Variants in SEMA6A observed in about 807,000 individuals in gnomAD.
SEMA6A encodes the protein semaphorin 6A.
SEMA6A carries 25 observed loss-of-function variants against 96.8 expected under a neutral mutation model. The ratio of observed to expected loss-of-function variants is 0.26; its 90% CI spans 0.19 to 0.36. The LOEUF is 0.36. Among genes scored for constraint, SEMA6A ranks in the 10% least tolerant of loss-of-function variants. The pLI is 1.00. For synonymous variants in SEMA6A, 612 were observed against 518.0 expected (o/e 1.18, Z -2.46); for missense variants, 1,363 against 1,323.1 (o/e 1.03, Z -0.47).
chr5:116,562,677 C>CTT, intron 1 of SEMA6A: 1 of 714,432 alleles, frequency 1.4e-6, no homozygotes, highest in Admixed American at 1.8e-5. Flanking sequence ...TTCAATGACA[C>CTT]TTTTGTCCAT....
In SEMA6A at chr5:116,445,940, T is replaced by C. The variant is rs1272987236; in HGVS notation, c.*673A>G. On this transcript the variant is annotated 3_prime_UTR_variant, in exon 19 of 19. Coordinates refer to ENST00000343348, the MANE Select transcript of SEMA6A (RefSeq NM_020796.5). Reference sequence around the variant, plus strand: ...AGAGTTACTTGCGTTAACGGTCACGTTATTTCATTAAAAGAGAGGAGGAGC... The same window carrying C: ...AGAGTTACTTGCGTTAACGGTCACGCTATTTCATTAAAAGAGAGGAGGAGC... 3.3e-5 allele frequency: 5 copies of C among 152,654 alleles called. No homozygotes were observed. Among genetic ancestry groups the C allele is most frequent in the Non-Finnish European group, 5.9e-5 (4 of 68,042 alleles). 9.5% of individuals were successfully genotyped at this position (152,654 alleles called of 1,614,324 possible).
At chr5:116,561,942 G>A (rs1760832514) in intron 1 of SEMA6A, among the ~76,000 whole-genome samples, 1 of 151,340 alleles carries the variant, frequency 6.6e-6, no homozygotes, top group African/African-American at 2.4e-5. Flanking sequence ...ACCTTTCCCT[G>A]TACTCTGAAC....
chr5:116,478,055 CT>C lies in SEMA6A; in HGVS notation c.1526del (p.Lys509ArgfsTer28). On this transcript the variant is annotated frameshift_variant, in exon 14 of 19. Coordinates refer to ENST00000343348, the MANE Select transcript of SEMA6A (RefSeq NM_020796.5). LOFTEE classifies it high-confidence loss of function. Reference protein sequence around the residue: ...LYVAFSTCVIKVPLGRCERHG... With the variant: ...LYVAFSTCVIXVPLGRCERHG... ...GTCGTTCACACCGGCCAAGGGGAAC[CT>C]TTATCACACAGGTAGAGAACGCAAC... is the stretch of plus-strand genomic sequence containing the variant. 1 of 1,613,972 alleles carries C rather than the reference CT, an allele frequency of 6.2e-7. No homozygotes were observed. The highest frequency in any genetic ancestry group is 8.5e-7 in the Non-Finnish European group (1 of 1,179,864).
At chr5:116,560,351 C>A (rs369600454) in intron 1 of SEMA6A, among the ~76,000 whole-genome samples, 1 of 152,080 alleles carries the variant, frequency 6.6e-6, no homozygotes, top group Non-Finnish European at 1.5e-5. Flanking sequence ...AGGTACACAG[C>A]CAGTAAATTC....
intron 6 of SEMA6A, among the ~76,000 whole-genome samples, chr5:116,493,157 G>A (rs1263251642): frequency 6.6e-6 from 1 of 152,184 alleles, no homozygotes; most frequent in East Asian, 1.9e-4. Context: ...AGAATCATGG[G>A]AAATGGAACA....
chr5:116,457,522 A>G (rs1201022597), intron 18 of SEMA6A, among the ~76,000 whole-genome samples: 2 of 152,180 alleles, frequency 1.3e-5, no homozygotes. Flanking sequence ...TTTAAAAATA[A>G]TTGGAGTGGA....
chr5:116,478,797 C>A, intron 12 of SEMA6A, 79 bp from the exon 13 acceptor site: 1 of 1,393,332 alleles, frequency 7.2e-7, no homozygotes, highest in Non-Finnish European at 9.8e-7. Flanking sequence ...CAAACAGCTG[C>A]GACATAGCCT....
chr5:116,526,318 C>A (rs989245012), intron 1 of SEMA6A, among the ~76,000 whole-genome samples: 5 of 152,120 alleles, frequency 3.3e-5, no homozygotes, highest in African/African-American at 4.8e-5. Context: ...GTGAAGTCTC[C>A]CCTGATTCCC....
At chr5:116,492,137 T>C (rs1207475387) in intron 6 of SEMA6A, among the ~76,000 whole-genome samples, 2 of 152,202 alleles carry the variant, frequency 1.3e-5, no homozygotes, top group Non-Finnish European at 2.9e-5. Flanking sequence ...TGTTGAACTC[T>C]GACAGACTCT....
At chr5:116,570,986 A>AT (rs2112924818) in intron 1 of SEMA6A, among the ~76,000 whole-genome samples, 1 of 152,350 alleles carries the variant, frequency 6.6e-6, no homozygotes, top group South Asian at 2.1e-4. Context: ...TACAACTGCT[A>AT]TATGTGTTTA....
chr5:116,454,725 C>G (rs1754887260), intron 18 of SEMA6A, among the ~76,000 whole-genome samples: 2 of 152,130 alleles, frequency 1.3e-5, no homozygotes, highest in African/African-American at 2.4e-5. Context: ...TAGGAATAAA[C>G]TGACATGCCA....
intron 3 of SEMA6A, among the ~76,000 whole-genome samples, chr5:116,500,867 G>A (rs569944857): frequency 3.3e-5 from 5 of 152,224 alleles, no homozygotes; most frequent in South Asian, 2.1e-4. Context: ...TTAGCTGGGC[G>A]TGGTGGCGGG....
intron 1 of SEMA6A, among the ~76,000 whole-genome samples, chr5:116,528,332 G>A (rs562835087): frequency 6.6e-6 from 1 of 152,098 alleles, no homozygotes; most frequent in Non-Finnish European, 1.5e-5. Context: ...CAGTTAAAGG[G>A]AAGTACAATC....
intron 1 of SEMA6A, among the ~76,000 whole-genome samples, chr5:116,539,078 C>T (rs1462249887): frequency 6.7e-6 from 1 of 150,232 alleles, no homozygotes; most frequent in South Asian, 2.1e-4. Context: ...TAATTTCAGA[C>T]ATCTACACCC....
chr5:116,535,799 C>T (rs1481767229), intron 1 of SEMA6A, among the ~76,000 whole-genome samples: 2 of 152,240 alleles, frequency 1.3e-5, no homozygotes. Flanking sequence ...TACACCTACT[C>T]TCTTGATTTT....
intron 1 of SEMA6A, among the ~76,000 whole-genome samples, chr5:116,505,379 A>G (rs1758095800): frequency 6.6e-6 from 1 of 152,090 alleles, no homozygotes; most frequent in African/African-American, 2.4e-5. Flanking sequence ...GTAAAAATCA[A>G]AATACCTGCC....
intron 1 of SEMA6A, among the ~76,000 whole-genome samples, chr5:116,525,868 A>G (rs1198190878): frequency 6.6e-6 from 1 of 152,186 alleles, no homozygotes; most frequent in East Asian, 1.9e-4. Context: ...CAAATTAAGC[A>G]TTTATTGTCT....
At chr5:116,550,361 C>G (rs1426875874) in intron 1 of SEMA6A, 3 of 152,108 alleles carry the variant, frequency 2.0e-5, no homozygotes. Flanking sequence ...ACCATTTCTC[C>G]ACCTTTTGGT....
chr5:116,548,621 A>G (rs564949191), intron 1 of SEMA6A, among the ~76,000 whole-genome samples: 1 of 152,180 alleles, frequency 6.6e-6, no homozygotes, highest in Non-Finnish European at 1.5e-5. Flanking sequence ...GTTTTAAGAT[A>G]TGTTTCCAAA....
Sources: allele counts gnomAD v4.1 joint callset (sites outside exome capture counted in the v4.1 genomes callset), GRCh38; gene constraint gnomAD v4.1.1; transcripts MANE v1.5; gene names NCBI Gene and HGNC (gene_info 2026-07-23, HGNC 2026-07-21).